Variants in EPB41L2 observed in about 807,000 individuals in gnomAD.
EPB41L2 encodes band 4.1-like protein 2.
A neutral mutation model predicts 113.0 loss-of-function variants in EPB41L2; 43 were observed. That is an observed-to-expected ratio of 0.38 (90% CI 0.30 to 0.49). EPB41L2 has a LOEUF of 0.49. Among genes scored for constraint, EPB41L2 ranks in the 20% least tolerant of loss-of-function variants. EPB41L2 has a pLI of 0.95. For missense variants in EPB41L2, 1,147 were observed against 1,223.4 expected, an observed-to-expected ratio of 0.94 and a Z score of 0.93; for synonymous variants, 442 against 436.7, an observed-to-expected ratio of 1.01 and a Z score of -0.15.
At chr6:131,049,642 G>A (rs548038505) in intron 1 of EPB41L2, among the ~76,000 whole-genome samples, 48 of 152,286 alleles carry the variant, frequency 3.2e-4, no homozygotes, top group African/African-American at 1.0e-3. Context: ...ATTGTCTAGC[G>A]TATAACCACT....
chr6:130,863,649 C>T lies in EPB41L2; in HGVS notation c.2899G>A (p.Asp967Asn). ...CTTAACTTATTTACCTGGTCATGAT[C>T]AATATCTCCATCTCCTGTGATCACA... ...RIVITGDGDI[D>N]HDQALAQAIR... The change falls in exon 18 of 20, where the codon GAT becomes AAT. Residue 967 changes from aspartate (D) to asparagine (N), a missense_variant. By Grantham distance (23) the Asp-to-Asn change is conservative. Coordinates refer to ENST00000337057, the MANE Select transcript of EPB41L2 (RefSeq NM_001431.4). The T allele has an allele frequency of 6.2e-7, 1 of 1,610,968 alleles. No individual in the cohort carries two copies. The highest frequency in any genetic ancestry group is 1.1e-5 in the South Asian group (1 of 90,878).
At chr6:130,884,506 G>A (rs1655243232) in intron 12 of EPB41L2, among the ~76,000 whole-genome samples, 1 of 152,166 alleles carries the variant, frequency 6.6e-6, no homozygotes, top group African/African-American at 2.4e-5. Flanking sequence ...TTCAAGTGAT[G>A]TTACTGCCCA....
chr6:130,871,095 G>A (rs1264780734), intron 14 of EPB41L2, among the ~76,000 whole-genome samples: 3 of 152,044 alleles, frequency 2.0e-5, no homozygotes, highest in Non-Finnish European at 2.9e-5. Flanking sequence ...TACTTCTTGG[G>A]AGTAAAGTAA....
intron 1 of EPB41L2, among the ~76,000 whole-genome samples, chr6:131,021,290 A>G (rs972650914): frequency 6.6e-6 from 1 of 152,184 alleles, no homozygotes; most frequent in Non-Finnish European, 1.5e-5. Context: ...GGTATAGCAA[A>G]CGAGAATTAA....
intron 4 of EPB41L2, among the ~76,000 whole-genome samples, chr6:130,914,848 A>G (rs982977470): frequency 1.3e-5 from 2 of 152,210 alleles, no homozygotes; most frequent in African/African-American, 4.8e-5. Flanking sequence ...TCTCCTCTCC[A>G]TTCCCTAATC....
Position 130,878,145 on chromosome 6 carries a change from C to T in EPB41L2, c.2002G>A (p.Glu668Lys). 1 of 1,613,184 alleles carries T rather than the reference C, an allele frequency of 6.2e-7. No homozygotes were observed. The highest frequency in any genetic ancestry group is 8.5e-7 in the Non-Finnish European group (1 of 1,179,688). The stretch of plus-strand genomic sequence containing the variant: ...GACAGAGGTGTGATACGTCGTTTTT[C>T]CCATTCATTAGGGCGCGGCTCAGGT... ...STPEPRPNEW[E>K]KRRITPLSLQ... Residue 668 changes from glutamate to lysine, a missense_variant, in exon 14 of 20, where the codon GAA (glutamate) becomes AAA (lysine). Coordinates refer to ENST00000337057, the MANE Select transcript of EPB41L2 (RefSeq NM_001431.4).
intron 13 of EPB41L2, among the ~76,000 whole-genome samples, chr6:130,879,179 A>G (rs1788498161): frequency 6.6e-6 from 1 of 152,224 alleles, no homozygotes; most frequent in Non-Finnish European, 1.5e-5. Context: ...CAGGTCATGC[A>G]ACCAATAAAA....
chr6:131,036,506 A>G (rs1310917038), intron 1 of EPB41L2, among the ~76,000 whole-genome samples: 1 of 152,250 alleles, frequency 6.6e-6, no homozygotes, highest in African/African-American at 2.4e-5. Flanking sequence ...ATGAAAACCA[A>G]GGAGAAATCA....
chr6:130,931,575 A>G (rs1416427081), intron 3 of EPB41L2, among the ~76,000 whole-genome samples: 1 of 152,184 alleles, frequency 6.6e-6, no homozygotes, highest in African/African-American at 2.4e-5. Context: ...CATTTATAGC[A>G]CTAATGTTCA....
chr6:131,026,445 T>C (rs1267297581), intron 1 of EPB41L2, among the ~76,000 whole-genome samples: 2 of 152,206 alleles, frequency 1.3e-5, no homozygotes, highest in East Asian at 3.8e-4. Flanking sequence ...GAGTTGGGTT[T>C]TCAGTTTTTG....
At position 130,870,426 on chromosome 6, in the gene EPB41L2, T is replaced by C. The variant is rs1296749647; in HGVS notation, c.2044-300A>G. 2.6e-6 allele frequency: 4 copies of C among 1,543,706 alleles called. No individual in the cohort carries two copies. In the East Asian group the frequency reaches 7.3e-5, roughly 28 times the overall value. The stretch of plus-strand genomic sequence containing the variant: ...CGAGGACACAAAATCAATACAGTTT[T>C]ACCTCAACAACCACTGAAACAAACA... On this transcript the variant is annotated intron_variant, in intron 14 of 19. Coordinates refer to ENST00000337057, the MANE Select transcript of EPB41L2 (RefSeq NM_001431.4).
intron 12 of EPB41L2, among the ~76,000 whole-genome samples, chr6:130,884,228 G>C (rs1003745017): frequency 2.6e-5 from 4 of 152,048 alleles, no homozygotes; most frequent in Non-Finnish European, 4.4e-5. Flanking sequence ...CCAGCTACTT[G>C]GGAGGCTGAG....
At chr6:130,901,519 G>T (rs1360331200) in intron 6 of EPB41L2, among the ~76,000 whole-genome samples, 1 of 151,190 alleles carries the variant, frequency 6.6e-6, no homozygotes, top group African/African-American at 2.4e-5. Context: ...CTCAAAAGAT[G>T]TAAGGATTAA....
At chr6:130,930,003 T>C (rs1806257365) in intron 3 of EPB41L2, among the ~76,000 whole-genome samples, 1 of 152,040 alleles carries the variant, frequency 6.6e-6, no homozygotes, top group African/African-American at 2.4e-5. Context: ...CCAAAGTTAT[T>C]TTCCACTGGT....
intron 1 of EPB41L2, among the ~76,000 whole-genome samples, chr6:131,058,651 T>C (rs1798058973): frequency 6.6e-6 from 1 of 152,202 alleles, no homozygotes; most frequent in Non-Finnish European, 1.5e-5. Context: ...ACCTATAATA[T>C]TCCCTCTCTC....
chr6:130,887,362 T>C (rs1791371282), intron 11 of EPB41L2, among the ~76,000 whole-genome samples: 1 of 152,194 alleles, frequency 6.6e-6, no homozygotes, highest in African/African-American at 2.4e-5. Context: ...CTAACCAGCC[T>C]GCCTGCTTCC....
chr6:130,942,049 G>A (rs994483453), intron 3 of EPB41L2, among the ~76,000 whole-genome samples: 4 of 151,984 alleles, frequency 2.6e-5, no homozygotes, highest in Non-Finnish European at 5.9e-5. Context: ...AATAATCCAC[G>A]GATTTTTACA....
intron 1 of EPB41L2, chr6:130,970,604 C>G (rs1408206294): frequency 6.6e-6 from 1 of 152,138 alleles, no homozygotes; most frequent in Non-Finnish European, 1.5e-5. Flanking sequence ...TAAAATTCTT[C>G]TATCCTGAGA....
chr6:130,964,433 T>A (rs1014300284), intron 1 of EPB41L2, among the ~76,000 whole-genome samples: 1 of 151,738 alleles, frequency 6.6e-6, no homozygotes, highest in African/African-American at 2.4e-5. Context: ...CTCTGCTTAT[T>A]AGCCATGTAA....
Sources: allele counts gnomAD v4.1 joint callset (sites outside exome capture counted in the v4.1 genomes callset), GRCh38; gene constraint gnomAD v4.1.1; transcripts MANE v1.5; gene names NCBI Gene and HGNC (gene_info 2026-07-23, HGNC 2026-07-21).